The following PLG variants were observed in gnomAD, a reference collection of about 807,000 sequenced individuals.
PLG encodes plasmin.
A neutral mutation model predicts 104.4 loss-of-function variants in PLG; 41 were observed. That is an observed-to-expected ratio of 0.39 (90% CI 0.31 to 0.51). PLG has a LOEUF of 0.51. Among genes scored for constraint, PLG ranks in the 20% least tolerant of loss-of-function variants. PLG has a pLI of 0.76. For synonymous variants in PLG, 337 were observed against 357.1 expected, an observed-to-expected ratio of 0.94 and a Z score of 0.63; for missense variants, 891 against 1,003.6, an observed-to-expected ratio of 0.89 and a Z score of 1.52.
rs1289012455 is a variant in PLG, at chr6:160,752,016, C to T, written c.2126-99C>T. 9.6e-7 allele frequency: 1 copy of T among 1,037,528 alleles called. No individual in the cohort carries two copies. Among genetic ancestry groups the T allele is most frequent in the Non-Finnish European group, 1.5e-6 (1 of 664,830 alleles). The allele number at this position is 1,037,528 out of a possible 1,614,324, so 64.3% of individuals were successfully genotyped here. On this transcript the variant is annotated intron_variant, in intron 17 of 18. Transcript: ENST00000308192. The surrounding 1 kb of genome is among the most constrained non-coding windows in gnomAD (Gnocchi z 4.7). ...TGGGAGCTGCCTCGTGTTCTGCAGC[C>T]TCACAGACAGGAGGTCCAGTGCCGC...
In PLG at chr6:160,734,841, C is replaced by T. The variant is rs928684096; in HGVS notation, c.1681+753C>T. 1.3e-5 allele frequency among the ~76,000 whole-genome samples: 2 copies of T among 151,818 alleles called. No homozygotes were observed. The highest frequency in any genetic ancestry group is 6.6e-5 in the Admixed American group (1 of 15,254). Reference sequence around the variant, plus strand: ...AATTTGTCCTAGTTACAGAAAACCACCCTGGACTTCTCCTATGCATAATTT... The same window carrying T: ...AATTTGTCCTAGTTACAGAAAACCATCCTGGACTTCTCCTATGCATAATTT... On this transcript the variant is annotated intron_variant, in intron 13 of 18. Transcript: ENST00000308192. The surrounding 1 kb of genome is among the most constrained non-coding windows in gnomAD (Gnocchi z 4.4).
At chr6:160,714,731 T>C in intron 5 of PLG, 63 bp from the exon 6 acceptor site, 1 of 1,568,336 alleles carries the variant, frequency 6.4e-7, no homozygotes, top group Non-Finnish European at 8.8e-7. Context: ...TTTTACTCTC[T>C]ATTTTGCTTC....
chr6:160,717,931 C>A (rs1777766787), intron 7 of PLG, among the ~76,000 whole-genome samples: 1 of 152,288 alleles, frequency 6.6e-6, no homozygotes, highest in South Asian at 2.1e-4. Flanking sequence ...TCCTTAACAT[C>A]CATCTGTGCA....
intron 3 of PLG, 78 bp downstream of exon 3, chr6:160,707,884 A>G (rs1777560275): frequency 3.6e-6 from 4 of 1,115,418 alleles, no homozygotes; most frequent in Admixed American, 1.7e-5. Flanking sequence ...TCTATCTTTA[A>G]TTTATAAGAC....
At position 160,727,452 on chromosome 6, in the gene PLG, GA is replaced by G. The variant is rs780958888; in HGVS notation, c.1257-3587del. Among the ~76,000 whole-genome samples, 1,015 of 135,824 alleles carry G rather than the reference GA, an allele frequency of 7.5e-3. 4 individuals carry two copies. Among genetic ancestry groups the G allele is most frequent in the Non-Finnish European group, 0.012 (764 of 61,958 alleles). 89.1% of individuals were successfully genotyped at this position (135,824 alleles called of 152,430 possible). A position where few individuals can be genotyped will look rare whatever the true frequency, so the allele number is the denominator to read the frequency against. ...AAATATTTCTTGACTCAATTTGTGA[GA>G]AAAAAAAAAAACCCTAGTTGTAAAA... On this transcript the variant is annotated intron_variant, in intron 10 of 18. Transcript: ENST00000308192.
intron 12 of PLG, 145 bp from the exon 13 acceptor site, chr6:160,733,846 GAAAA>G (rs10540264): frequency 0.017 from 5,945 of 348,100 alleles, 205 homozygotes; most frequent in African/African-American, 0.14. Context: ...CTCCACCTCA[GAAAA>G]AAAAAAAAAA....
chr6:160,727,209 A>T (rs1343785170), intron 10 of PLG, among the ~76,000 whole-genome samples: 1 of 151,904 alleles, frequency 6.6e-6, no homozygotes, highest in Non-Finnish European at 1.5e-5. Flanking sequence ...GAAAAAAACA[A>T]ATAAGCAAAT....
chr6:160,710,129 T>A (rs1777612689), intron 3 of PLG, among the ~76,000 whole-genome samples: 1 of 152,228 alleles, frequency 6.6e-6, no homozygotes, highest in Non-Finnish European at 1.5e-5. Flanking sequence ...TGTAAAACCT[T>A]TAGATTTTTA....
At chr6:160,748,930 A>G (rs188526078) in intron 17 of PLG, among the ~76,000 whole-genome samples, 1 of 152,296 alleles carries the variant, frequency 6.6e-6, no homozygotes, top group African/African-American at 2.4e-5. Context: ...CCCGTCACTG[A>G]TTAACTCCAA....
chr6:160,718,387 A>T lies in PLG; in HGVS notation c.881A>T (p.His294Leu). Reference protein sequence around the residue: ...RGNVAVTVSGHTCQHWSAQTP... With the variant: ...RGNVAVTVSGLTCQHWSAQTP... Reference sequence around the variant, plus strand: ...AATGTGGCTGTTACCGTGTCCGGGCACACCTGTCAGCACTGGAGTGCACAG... The same window carrying T: ...AATGTGGCTGTTACCGTGTCCGGGCTCACCTGTCAGCACTGGAGTGCACAG... The change falls in exon 8 of 19, where the codon CAC (histidine) becomes CTC (leucine). Residue 294 changes from histidine to leucine, a missense_variant. This residue lies in a region of PLG where 854 missense variants were observed against 932.1 expected (regional missense o/e 0.92). Transcript: ENST00000308192. 1 of 1,613,930 alleles carries T rather than the reference A, an allele frequency of 6.2e-7. No individual in the cohort carries two copies. The highest frequency in any genetic ancestry group is 8.5e-7 in the Non-Finnish European group (1 of 1,179,750).
intron 9 of PLG, among the ~76,000 whole-genome samples, chr6:160,721,928 A>G (rs1777836932): frequency 6.6e-6 from 1 of 152,170 alleles, no homozygotes; most frequent in Admixed American, 6.5e-5. Flanking sequence ...GAAGCTGTGG[A>G]TCTTTGCCTG....
At chr6:160,713,351 A>G in intron 5 of PLG, 1 of 473,494 alleles carries the variant, frequency 2.1e-6, no homozygotes, top group Non-Finnish European at 3.9e-6. Context: ...GCTCACCACA[A>G]CCTCCGCCTC....
In PLG at chr6:160,752,058, A is replaced by T; in HGVS notation, c.2126-57A>T. On this transcript the variant is annotated intron_variant, in intron 17 of 18. Transcript: ENST00000308192. The surrounding 1 kb of genome is among the most constrained non-coding windows in gnomAD (Gnocchi z 4.7). ...CAGTGCCGCTGCTCTGTTCTGGAAT[A>T]TCCTCCTGAATGTGTTTTGGGTGCA... 2 of 1,515,318 alleles carry T rather than the reference A, an allele frequency of 1.3e-6. No homozygotes were observed. The highest frequency in any genetic ancestry group is 1.8e-6 in the Non-Finnish European group (2 of 1,092,602). 93.9% of individuals were successfully genotyped at this position (1,515,318 alleles called of 1,614,324 possible).
At chr6:160,709,629 CTCCTA>C (rs1383088427) in intron 3 of PLG, among the ~76,000 whole-genome samples, 2 of 152,216 alleles carry the variant, frequency 1.3e-5, no homozygotes, top group African/African-American at 4.8e-5. Context: ...TCCTTCTTAT[CTCCTA>C]GGTGTCAGCT....
intron 17 of PLG, among the ~76,000 whole-genome samples, chr6:160,751,589 A>G (rs1163559051): frequency 6.6e-6 from 1 of 152,218 alleles, no homozygotes; most frequent in Non-Finnish European, 1.5e-5. Flanking sequence ...ATGTGCAACC[A>G]TCATCATATT....
At chr6:160,713,507 G>C (rs1777680609) in intron 5 of PLG, 1 of 242,926 alleles carries the variant, frequency 4.1e-6, no homozygotes, top group African/African-American at 2.3e-5. Flanking sequence ...GACCTCAGGT[G>C]ATCCGCCTGC....
chr6:160,734,541 G>T lies in PLG; in HGVS notation c.1681+453G>T, dbSNP rs1468804774. On this transcript the variant is annotated intron_variant, in intron 13 of 18. Transcript: ENST00000308192. The surrounding 1 kb of genome is among the most constrained non-coding windows in gnomAD (Gnocchi z 4.4). ...GGCCATCCTAGGAATTCAATGAAAG[G>T]TAGTGCAGCTCTTTAGCCCCAGATG... is the stretch of plus-strand genomic sequence containing the variant. 6.6e-6 allele frequency among the ~76,000 whole-genome samples: 1 copy of T among 152,094 alleles called. No homozygotes were observed. The highest frequency in any genetic ancestry group is 1.5e-5 in the Non-Finnish European group (1 of 68,016).
At position 160,739,739 on chromosome 6, in the gene PLG, C is replaced by T. The variant is rs1366376548; in HGVS notation, c.2018+531C>T. 2.9e-5 allele frequency among the ~76,000 whole-genome samples: 4 copies of T among 139,902 alleles called. No homozygotes were observed. Among genetic ancestry groups the T allele is most frequent in the East Asian group, 4.1e-4 (2 of 4,884 alleles). The allele number at this position is 139,902 out of a possible 152,430, so 91.8% of individuals were successfully genotyped here. ...TCGTGTCACTGCATTCCAGCCTGGGCGACAGAGTAAGACACTGTACCAAAA... is the reference window on the plus strand; with the variant it reads ...TCGTGTCACTGCATTCCAGCCTGGGTGACAGAGTAAGACACTGTACCAAAA... On this transcript the variant is annotated intron_variant, in intron 16 of 18. Transcript: ENST00000308192. The surrounding 1 kb of genome is among the most constrained non-coding windows in gnomAD (Gnocchi z 4.4).
chr6:160,718,775 G>A lies in PLG; in HGVS notation c.1033G>A (p.Glu345Lys), dbSNP rs1777786160. ...TACAACCAACAGCCAAGTGCGGTGG[G>A]AGTACTGTAAGATACCGTCCTGTGA... ...CHTTNSQVRW[E>K]YCKIPSCDSS... The change falls in exon 9 of 19, where the codon GAG becomes AAG. Residue 345 changes from glutamate to lysine, a missense_variant. Around this residue, in one of 2 missense-constraint regions of PLG, gnomAD observed 854 missense variants for 932.1 expected, o/e 0.92. Transcript: ENST00000308192. 6.2e-7 allele frequency: 1 copy of A among 1,613,536 alleles called. No homozygotes were observed. The highest frequency in any genetic ancestry group is 8.5e-7 in the Non-Finnish European group (1 of 1,179,630).
Sources: allele counts gnomAD v4.1 joint callset (sites outside exome capture counted in the v4.1 genomes callset), GRCh38; gene constraint gnomAD v4.1.1; regional missense constraint gnomAD v4.1.1; non-coding constraint Gnocchi (gnomAD v3.1); transcripts MANE v1.5; gene names NCBI Gene and HGNC (gene_info 2026-07-23, HGNC 2026-07-21).